The following RAB37 variants were observed in gnomAD, a reference collection of about 807,000 sequenced individuals.
The protein encoded by RAB37 is ras-related protein Rab-37.
In RAB37, 29 loss-of-function variants were observed where a neutral mutation model predicts 33.1. That is an observed-to-expected ratio of 0.88 (90% CI 0.65 to 1.20). The LOEUF is 1.20. Among genes scored for constraint, RAB37 ranks in the 50% most tolerant of loss-of-function variants. RAB37 has a pLI of 0.00. For missense variants in RAB37, 299 were observed against 301.1 expected, an observed-to-expected ratio of 0.99 and a Z score of 0.05; for synonymous variants, 128 against 119.5, an observed-to-expected ratio of 1.07 and a Z score of -0.47.
rs748208881 is a variant in RAB37 at position 74,744,874 on chromosome 17, C to G, written c.434C>G (p.Ala145Gly). The change falls in exon 7 of 9, where the codon GCG becomes GGG. Residue 145 changes from alanine to glycine, a missense_variant and splice_region_variant. Coordinates refer to ENST00000392613, the MANE Select transcript of RAB37 (RefSeq NM_001006638.3). The surrounding 1 kb of genome is among the most constrained non-coding windows in gnomAD (Gnocchi z 4.2). Reference sequence around the variant, plus strand: ...GAGTGACCCATTTGGGCTTGACAGGCGGATATGAGCAGCGAAAGAGTGATC... The same window carrying G: ...GAGTGACCCATTTGGGCTTGACAGGGGGATATGAGCAGCGAAAGAGTGATC... ...DVVIMLLGNK[A>G]DMSSERVIRS... The G allele has an allele frequency of 1.9e-6, 3 of 1,614,246 alleles. No homozygotes were observed. Among genetic ancestry groups the G allele is most frequent in the Non-Finnish European group, 2.5e-6 (3 of 1,180,048 alleles).
rs1047075226 is a variant in RAB37 at position 74,745,203 on chromosome 17, A to G, written c.567-103A>G. ...ACCTGCATTCTGCAGGCTGAGGTCCATTTGCTCTGGGAGCACTGGGCCACT... is the reference window on the plus strand; with the variant it reads ...ACCTGCATTCTGCAGGCTGAGGTCCGTTTGCTCTGGGAGCACTGGGCCACT... On this transcript the variant is annotated intron_variant, in intron 8 of 8. Coordinates refer to ENST00000392613, the MANE Select transcript of RAB37 (RefSeq NM_001006638.3). This position sits in a 1 kb window ranked among gnomAD's most constrained non-coding sequence, Gnocchi z 4.5. 1.2e-5 allele frequency: 18 copies of G among 1,541,210 alleles called. No individual in the cohort carries two copies. In the African/African-American group the frequency reaches 1.9e-4, roughly 16 times the overall value.
rs761008602 is a variant in RAB37 at position 74,729,213 on chromosome 17, C to G, written c.73-43C>G. 51 of 1,465,426 alleles carry G rather than the reference C, an allele frequency of 3.5e-5. No homozygotes were observed. Among genetic ancestry groups the G allele is most frequent in the Non-Finnish European group, 4.7e-5 (49 of 1,044,346 alleles). 90.8% of individuals were successfully genotyped at this position (1,465,426 alleles called of 1,614,324 possible). A position where few individuals can be genotyped will look rare whatever the true frequency, so the allele number is the denominator to read the frequency against. On this transcript the variant is annotated intron_variant, in intron 1 of 7. Coordinates refer to the RAB37 transcript ENST00000340415. The surrounding 1 kb of genome is among the most constrained non-coding windows in gnomAD (Gnocchi z 4.2). ...CACAAGGACACCTCTGAGGCCAACT[C>G]ACATCACAGGCCCTCAGCTCTCTCT...
chr17:74,690,312 C>T lies in RAB37; in HGVS notation c.72+18654C>T, dbSNP rs537909584. 4.6e-5 allele frequency among the ~76,000 whole-genome samples: 7 copies of T among 152,216 alleles called. No individual in the cohort carries two copies. The South Asian group carries it at 1.5e-3, about 32-fold the overall frequency. ...AAACCAAGAAGGGAAGCCCCAGCAA[C>T]TTTAGATGGCTATAAATAATTAGGC... is the stretch of plus-strand genomic sequence containing the variant. On this transcript the variant is annotated intron_variant, in intron 1 of 7. Coordinates refer to the RAB37 transcript ENST00000340415.
intron 1 of RAB37, among the ~76,000 whole-genome samples, chr17:74,724,807 G>A (rs752744000): frequency 5.9e-5 from 9 of 152,212 alleles, no homozygotes; most frequent in Non-Finnish European, 1.2e-4. Flanking sequence ...CACAATGGTG[G>A]AATGTGATCA....
In RAB37 at chr17:74,671,773, G is replaced by T; in HGVS notation, c.72+115G>T. On this transcript the variant is annotated intron_variant, in intron 1 of 7. Coordinates refer to the RAB37 transcript ENST00000340415. This position sits in a 1 kb window ranked among gnomAD's most constrained non-coding sequence, Gnocchi z 5.0. The stretch of plus-strand genomic sequence containing the variant: ...TAATGAGAAACTAGCTTGTATCTGT[G>T]AGTCTGGGGAGCCCTTTCTGTCTGA... The T allele has an allele frequency of 1.2e-6, 1 of 862,110 alleles. No homozygotes were observed. The highest frequency in any genetic ancestry group is 1.9e-6 in the Non-Finnish European group (1 of 530,766). The allele number at this position is 862,110 out of a possible 1,614,324, so 53.4% of individuals were successfully genotyped here. A position where few individuals can be genotyped will look rare whatever the true frequency, so the allele number is the denominator to read the frequency against.
chr17:74,708,497 T>C (rs573187724), intron 1 of RAB37, among the ~76,000 whole-genome samples: 31 of 152,282 alleles, frequency 2.0e-4, no homozygotes, highest in Middle Eastern at 6.8e-3. Flanking sequence ...TATCACTCAT[T>C]AACATAAATG....
At chr17:74,677,544 A>G (rs1421413171) in intron 1 of RAB37, 1 of 152,216 alleles carries the variant, frequency 6.6e-6, no homozygotes, top group Non-Finnish European at 1.5e-5. Context: ...AAAGATTTCT[A>G]TTGTCAGCTC....
At chr17:74,728,391 C>T (rs559455182) in intron 1 of RAB37, among the ~76,000 whole-genome samples, 1 of 150,446 alleles carries the variant, frequency 6.6e-6, no homozygotes, top group South Asian at 2.1e-4. Context: ...GTATGTGTAT[C>T]TGTGTGCATG....
At chr17:74,735,057 GAA>G (rs1356482747), upstream of RAB37, among the ~76,000 whole-genome samples, 2 of 138,904 alleles carry the variant, frequency 1.4e-5, no homozygotes, top group South Asian at 2.3e-4. Flanking sequence ...AAGAAAGAAA[GAA>G]AGAGAAAGAA....
intron 1 of RAB37, among the ~76,000 whole-genome samples, chr17:74,675,603 C>T (rs1426955097): frequency 6.6e-6 from 1 of 152,100 alleles, no homozygotes; most frequent in African/African-American, 2.4e-5. Flanking sequence ...AGGCAGAAGT[C>T]CATGGAAATA....
At chr17:74,688,077 T>C (rs2032089372) in intron 1 of RAB37, among the ~76,000 whole-genome samples, 1 of 152,170 alleles carries the variant, frequency 6.6e-6, no homozygotes, top group Non-Finnish European at 1.5e-5. Flanking sequence ...CCAATACCCT[T>C]CAGTCTCTTA....
chr17:74,737,224 C>A (rs2034496432), upstream of RAB37: 1 of 1,535,880 alleles, frequency 6.5e-7, no homozygotes, highest in Non-Finnish European at 8.7e-7. Flanking sequence ...GCCGTTCCTG[C>A]GCTCTCCTTC....
chr17:74,704,590 C>T (rs149941064), intron 1 of RAB37: 71 of 1,614,046 alleles, frequency 4.4e-5, no homozygotes, highest in Non-Finnish European at 5.8e-5. Context: ...TCACAGTGAA[C>T]GTGCGGTTTT....
At position 74,676,919 on chromosome 17, in the gene RAB37, G is replaced by A. The variant is rs1370027080; in HGVS notation, c.72+5261G>A. ...TGTAATCCCAGCACTTTGGGAGGCT[G>A]AGGCAGGTGGATCATGAGGTCAGGA... is the stretch of plus-strand genomic sequence containing the variant. On this transcript the variant is annotated intron_variant, in intron 1 of 7. Coordinates refer to the RAB37 transcript ENST00000340415. The surrounding 1 kb of genome is among the most constrained non-coding windows in gnomAD (Gnocchi z 4.1). Among the ~76,000 whole-genome samples, 7 of 152,150 alleles carry A rather than the reference G, an allele frequency of 4.6e-5. No individual in the cohort carries two copies. The highest frequency in any genetic ancestry group is 1.0e-4 in the Non-Finnish European group (7 of 68,020).
chr17:74,695,385 C>G (rs1598199336), intron 1 of RAB37: 1 of 1,080,150 alleles, frequency 9.3e-7, no homozygotes, highest in Non-Finnish European at 1.3e-6. Context: ...TCCAGCTTCC[C>G]CCTTCACTCT....
At chr17:74,733,808 G>A (rs934087047), upstream of RAB37, among the ~76,000 whole-genome samples, 2 of 151,940 alleles carry the variant, frequency 1.3e-5, no homozygotes, top group Non-Finnish European at 1.5e-5. Flanking sequence ...TGACTCACCC[G>A]AGGCTGCCCT....
intron 1 of RAB37, among the ~76,000 whole-genome samples, chr17:74,680,124 C>T (rs539987186): frequency 6.6e-6 from 1 of 152,038 alleles, no homozygotes; most frequent in Non-Finnish European, 1.5e-5. Context: ...CATCTCTTAA[C>T]TCACTTAATC....
At position 74,742,426 on chromosome 17, in the gene RAB37, G is replaced by T; in HGVS notation, c.246+131G>T. 1 of 683,980 alleles carries T rather than the reference G, an allele frequency of 1.5e-6. No individual in the cohort carries two copies. 42.4% of individuals were successfully genotyped at this position (683,980 alleles called of 1,614,324 possible). ...TCCTGTGGGGCCCACGGGAGGAAAT[G>T]GCTTTTGTTTATTTGACATCTGCAG... On this transcript the variant is annotated intron_variant, in intron 3 of 8. Coordinates refer to ENST00000392613, the MANE Select transcript of RAB37 (RefSeq NM_001006638.3). This position sits in a 1 kb window ranked among gnomAD's most constrained non-coding sequence, Gnocchi z 4.0.
At chr17:74,726,823 G>A (rs1034464436) in intron 1 of RAB37, among the ~76,000 whole-genome samples, 1 of 152,178 alleles carries the variant, frequency 6.6e-6, no homozygotes, top group African/African-American at 2.4e-5. Context: ...TTGTTTTTAT[G>A]TCTTTATGTT....
Sources: allele counts gnomAD v4.1 joint callset (sites outside exome capture counted in the v4.1 genomes callset), GRCh38; gene constraint gnomAD v4.1.1; non-coding constraint Gnocchi (gnomAD v3.1); transcripts MANE v1.5; gene names NCBI Gene and HGNC (gene_info 2026-07-23, HGNC 2026-07-21).